Variants in NHSL1 observed in about 807,000 individuals in gnomAD.
The protein encoded by NHSL1 is NHS like 1.
Under a neutral mutation model 95.0 loss-of-function variants are expected in NHSL1, and 48 were observed. The ratio of observed to expected loss-of-function variants is 0.51; its 90% confidence interval spans 0.40 to 0.64. NHSL1 has a LOEUF of 0.64. NHSL1 is among the 30% of genes least tolerant of loss of function. NHSL1 has a pLI of 0.00. For synonymous variants in NHSL1, 783 were observed against 833.9 expected (o/e 0.94, Z 1.05); for missense variants, 1,971 against 2,077.7 (o/e 0.95, Z 1.00).
At chr6:138,559,442 C>T (rs538250003) in intron 1 of NHSL1, among the ~76,000 whole-genome samples, 5 of 152,250 alleles carry the variant, frequency 3.3e-5, no homozygotes, top group African/African-American at 4.8e-5. Context: ...GGACTAGGGG[C>T]GCAGAGGGGA....
At chr6:138,486,276 G>A (rs1779724417) in intron 2 of NHSL1, among the ~76,000 whole-genome samples, 1 of 151,934 alleles carries the variant, frequency 6.6e-6, no homozygotes, top group Admixed American at 6.6e-5. Context: ...TCTCTGTTCT[G>A]TTGGCATCAT....
chr6:138,443,448 C>A (rs1776659885), intron 4 of NHSL1, among the ~76,000 whole-genome samples: 1 of 152,208 alleles, frequency 6.6e-6, no homozygotes, highest in Non-Finnish European at 1.5e-5. Context: ...GGGCAAGTCA[C>A]AACTGCAGTG....
At chr6:138,533,559 A>C (rs1030954374) in intron 1 of NHSL1, among the ~76,000 whole-genome samples, 4 of 152,240 alleles carry the variant, frequency 2.6e-5, no homozygotes, top group Non-Finnish European at 4.4e-5. Context: ...AAAAAAATAA[A>C]AAATAAATTT....
In NHSL1 at chr6:138,662,190, T is replaced by C. The variant is rs377220777; in HGVS notation, c.96+30286A>G. Among the ~76,000 whole-genome samples the C allele has an allele frequency of 5.5e-4, 84 of 151,538 alleles. 1 individual carries two copies. The South Asian group carries it at 0.017, about 31-fold the overall frequency. ...AATGATAATCCTTTGCCCTAAATAG[T>C]TATCTTTATAAACAAACAAACAAAC... On this transcript the variant is annotated intron_variant, in intron 1 of 3. Transcript: ENST00000491526.
upstream of NHSL1, among the ~76,000 whole-genome samples, chr6:138,501,897 C>G (rs58908379): frequency 6.6e-6 from 1 of 152,112 alleles, no homozygotes; most frequent in Non-Finnish European, 1.5e-5. Context: ...GTAAATGCTA[C>G]GTAAGTAGTT....
rs368102257 is a variant in NHSL1, at chr6:138,441,938, G to A, written c.664+45C>T. On this transcript the variant is annotated intron_variant, in intron 5 of 7. Transcript: ENST00000343505. ...TGAATGAGGTTAGCGCAGTAAGGCCGAGCAGCAGTGAAGGGCAACAGAATA... is the reference window on the plus strand; with the variant it reads ...TGAATGAGGTTAGCGCAGTAAGGCCAAGCAGCAGTGAAGGGCAACAGAATA... 3.2e-4 allele frequency: 492 copies of A among 1,515,750 alleles called. 1 individual carries two copies. Among genetic ancestry groups the A allele is most frequent in the Middle Eastern group, 2.5e-3 (14 of 5,518 alleles). The allele number at this position is 1,515,750 out of a possible 1,614,324, so 93.9% of individuals were successfully genotyped here. A position where few individuals can be genotyped will look rare whatever the true frequency, so the allele number is the denominator to read the frequency against.
At chr6:138,501,212 C>A (rs975663851), upstream of NHSL1, among the ~76,000 whole-genome samples, 5 of 152,316 alleles carry the variant, frequency 3.3e-5, no homozygotes, top group East Asian at 9.6e-4. Context: ...ATGTGCTCAA[C>A]AATGGCATCT....
In NHSL1 at chr6:138,441,260, C is replaced by T. The variant is rs114817702; in HGVS notation, c.664+723G>A. Reference sequence around the variant, plus strand: ...TAACCCAGGAGCTATGCTATGGTGCCTCTGCAGACCTTCTGGTATTATGGG... The same window carrying T: ...TAACCCAGGAGCTATGCTATGGTGCTTCTGCAGACCTTCTGGTATTATGGG... On this transcript the variant is annotated intron_variant, in intron 5 of 7. Transcript: ENST00000343505. Among the ~76,000 whole-genome samples the T allele has an allele frequency of 2.5e-3, 382 of 152,278 alleles. 4 individuals are homozygous for T. Among genetic ancestry groups the T allele is most frequent in the African/African-American group, 8.8e-3 (364 of 41,546 alleles).
intron 1 of NHSL1, among the ~76,000 whole-genome samples, chr6:138,615,535 A>G (rs913368469): frequency 6.6e-6 from 1 of 152,180 alleles, no homozygotes; most frequent in Admixed American, 6.5e-5. Flanking sequence ...CAGTGGCACA[A>G]CCTCGGCTCA....
chr6:138,645,149 G>A (rs1785001262), intron 1 of NHSL1, among the ~76,000 whole-genome samples: 2 of 152,266 alleles, frequency 1.3e-5, no homozygotes, highest in Admixed American at 6.5e-5. Flanking sequence ...TAGTGTTATT[G>A]TATGATTTGA....
chr6:138,693,059 G>A (rs1206915067), upstream of NHSL1, among the ~76,000 whole-genome samples: 7 of 151,622 alleles, frequency 4.6e-5, no homozygotes, highest in East Asian at 1.2e-3. This position sits in a 1 kb window ranked among gnomAD's most constrained non-coding sequence, Gnocchi z 4.3. Context: ...GCGGCGAGAG[G>A]AAGTTCCAGG....
In NHSL1 at chr6:138,447,113, G is replaced by A. The variant is rs879111710; in HGVS notation, c.420C>T (p.Asp140=). Reference sequence around the variant, plus strand: ...TGGTCCAGTTCGTCTGAGTATTAAGGTCGGAGAAGTCACTTGAGGCTGGTG... The same window carrying A: ...TGGTCCAGTTCGTCTGAGTATTAAGATCGGAGAAGTCACTTGAGGCTGGTG... The part of the protein sequence containing the change: ...PKTPASSDFS[D]LNTQTNWTKS... The change falls in exon 4 of 8, where the codon GAC becomes GAT. Residue 140 remains aspartate, a synonymous_variant. Transcript: ENST00000343505. 5 of 1,551,804 alleles carry A rather than the reference G, an allele frequency of 3.2e-6. No homozygotes were observed. The South Asian group carries it at 3.6e-5, about 11-fold the overall frequency.
At position 138,423,101 on chromosome 6, in the gene NHSL1, A is replaced by AG. The variant is rs1268281837; in HGVS notation, c.*979_*980insC. ...GGAAGTTTAAACTCTGGTTAAAAAA[A>AG]AAAAAAAAAAAAAACTGTTGTAAAA... is the stretch of plus-strand genomic sequence containing the variant. On this transcript the variant is annotated 3_prime_UTR_variant, in exon 8 of 8. Coordinates refer to ENST00000343505, the MANE Select transcript of NHSL1 (RefSeq NM_001144060.2). 3.3e-5 allele frequency: 5 copies of AG among 151,334 alleles called. No individual in the cohort carries two copies. The highest frequency in any genetic ancestry group is 6.6e-5 in the Admixed American group (1 of 15,186). The allele number at this position is 151,334 out of a possible 1,614,324, so 9.4% of individuals were successfully genotyped here.
At chr6:138,450,606 A>T (rs776678156) in intron 3 of NHSL1, among the ~76,000 whole-genome samples, 1 of 152,198 alleles carries the variant, frequency 6.6e-6, no homozygotes, top group Non-Finnish European at 1.5e-5. Flanking sequence ...AACTCTCATA[A>T]TGAAACAGCA....
At chr6:138,544,683 A>G (rs1257771377) in intron 1 of NHSL1, among the ~76,000 whole-genome samples, 1 of 152,216 alleles carries the variant, frequency 6.6e-6, no homozygotes, top group Non-Finnish European at 1.5e-5. Flanking sequence ...TCCCATCAAC[A>G]GAATGACATA....
At chr6:138,652,307 G>A (rs957906951) in intron 1 of NHSL1, among the ~76,000 whole-genome samples, 24 of 151,854 alleles carry the variant, frequency 1.6e-4, no homozygotes, top group Non-Finnish European at 2.5e-4. Flanking sequence ...CAGGCGTGGC[G>A]GCTCATGCCT....
intron 3 of NHSL1, among the ~76,000 whole-genome samples, chr6:138,471,613 G>A (rs1021806211): frequency 6.6e-6 from 1 of 152,156 alleles, no homozygotes; most frequent in Admixed American, 6.5e-5. Context: ...GGGAGGTAAG[G>A]AATAGGAAGT....
chr6:138,644,428 G>A lies in NHSL1; in HGVS notation c.96+48048C>T, dbSNP rs192859491. Among the ~76,000 whole-genome samples the A allele has an allele frequency of 2.3e-3, 350 of 152,086 alleles. 3 individuals are homozygous for A. The highest frequency in any genetic ancestry group is 2.3e-3 in the Non-Finnish European group (153 of 67,990). On this transcript the variant is annotated intron_variant, in intron 1 of 3. Transcript: ENST00000491526. ...TGAGGCAGGAGAATCACTTGAACTC[G>A]AGAGGCAGAGGTTGCAGCGAGCCGA...
At position 138,466,041 on chromosome 6, in the gene NHSL1, T is replaced by TGCG. The variant is rs372536926; in HGVS notation, c.339+7264_339+7265insCGC. Among the ~76,000 whole-genome samples, 151 of 125,606 alleles carry TGCG rather than the reference T, an allele frequency of 1.2e-3. 1 individual carries two copies. The highest frequency in any genetic ancestry group is 4.2e-3 in the African/African-American group (142 of 34,120). 82.4% of individuals were successfully genotyped at this position (125,606 alleles called of 152,430 possible). ...GCCTGGCCCCACATACACTCCTTTT[T>TGCG]GGGGGGGGGGCAGGGGGGAACAGAG... On this transcript the variant is annotated intron_variant, in intron 3 of 7. Coordinates refer to ENST00000343505, the MANE Select transcript of NHSL1 (RefSeq NM_001144060.2).
Sources: gnomAD v4.1 joint callset for allele counts (sites outside exome capture counted in the v4.1 genomes callset) on GRCh38, gnomAD v4.1.1 for gene constraint, Gnocchi (gnomAD v3.1) non-coding constraint, MANE v1.5 for transcripts, NCBI Gene and HGNC (gene_info 2026-07-23, HGNC 2026-07-21) for gene names.